Variants in RBFOX1 observed in about 807,000 individuals in gnomAD.
The protein encoded by RBFOX1 is RNA binding fox-1 homolog 1.
Under a neutral mutation model 57.7 loss-of-function variants are expected in RBFOX1, and 8 were observed. That is an observed-to-expected ratio of 0.14 (90% CI 0.08 to 0.25). The LOEUF (loss-of-function observed/expected upper bound fraction) is 0.25, where lower values mean the gene tolerates loss of function less well. RBFOX1 is among the 10% of genes least tolerant of loss of function. The pLI is 1.00. For missense variants in RBFOX1, 611 were observed against 548.5 expected (o/e 1.11, Z -1.14); for synonymous variants, 326 against 222.4 (o/e 1.47, Z -4.15).
At chr16:7,704,700 T>C (rs979342496) in intron 14 of RBFOX1, among the ~76,000 whole-genome samples, 3 of 152,062 alleles carry the variant, frequency 2.0e-5, no homozygotes, top group Non-Finnish European at 4.4e-5. Context: ...ATAAGATTAT[T>C]AGAGTTGCTA....
intron 1 of RBFOX1, among the ~76,000 whole-genome samples, chr16:5,373,190 G>A (rs1012283950): frequency 1.3e-5 from 2 of 152,134 alleles, no homozygotes; most frequent in African/African-American, 4.8e-5. Flanking sequence ...AGCATTCCTT[G>A]TGGGAGTTTG....
At chr16:7,244,054 G>C (rs563602658) in intron 4 of RBFOX1, among the ~76,000 whole-genome samples, 123 of 151,846 alleles carry the variant, frequency 8.1e-4, no homozygotes, top group African/African-American at 2.9e-3. Context: ...TTCACAGCAA[G>C]ATTAAAGATA....
intron 4 of RBFOX1, among the ~76,000 whole-genome samples, chr16:7,481,202 A>C (rs2063853130): frequency 6.6e-6 from 1 of 152,208 alleles, no homozygotes; most frequent in African/African-American, 2.4e-5. Flanking sequence ...AATGGAACAG[A>C]GTAAGGACTC....
At chr16:5,416,255 G>C (rs1488150464) in intron 1 of RBFOX1, among the ~76,000 whole-genome samples, 1 of 152,246 alleles carries the variant, frequency 6.6e-6, no homozygotes, top group Non-Finnish European at 1.5e-5. Context: ...ATTTGTCTAC[G>C]GTCACACATT....
At chr16:7,387,503 C>T (rs916063084) in intron 4 of RBFOX1, among the ~76,000 whole-genome samples, 1 of 152,150 alleles carries the variant, frequency 6.6e-6, no homozygotes, top group South Asian at 2.1e-4. Flanking sequence ...CCCTGGGTCT[C>T]GTTTCTTATC....
At chr16:7,272,636 C>G (rs1293577524) in intron 4 of RBFOX1, among the ~76,000 whole-genome samples, 3 of 151,230 alleles carry the variant, frequency 2.0e-5, no homozygotes, top group African/African-American at 7.4e-5. Context: ...TCTTCTCCAT[C>G]AATCTGTGAA....
intron 4 of RBFOX1, among the ~76,000 whole-genome samples, chr16:7,517,833 A>G (rs1325189649): frequency 2.6e-5 from 4 of 151,950 alleles, no homozygotes; most frequent in Non-Finnish European, 4.4e-5. Flanking sequence ...CAAAAAAAAA[A>G]AAAAATCAAT....
At chr16:6,972,452 T>C (rs1371102666) in intron 3 of RBFOX1, among the ~76,000 whole-genome samples, 1 of 152,216 alleles carries the variant, frequency 6.6e-6, no homozygotes, top group African/African-American at 2.4e-5. Context: ...TATTCCCTTA[T>C]GTGGAATGGA....
intron 2 of RBFOX1, among the ~76,000 whole-genome samples, chr16:5,529,867 C>T (rs982985245): frequency 1.3e-5 from 2 of 152,142 alleles, no homozygotes. Context: ...CGTGCCTGTC[C>T]TCAGTGTCCT....
intron 4 of RBFOX1, among the ~76,000 whole-genome samples, chr16:7,208,783 G>T (rs2090509679): frequency 6.6e-6 from 1 of 152,172 alleles, no homozygotes; most frequent in Admixed American, 6.5e-5. Context: ...GCTACAGTGA[G>T]CTGTGATTGC....
intron 4 of RBFOX1, among the ~76,000 whole-genome samples, chr16:7,237,281 C>G (rs1020922201): frequency 2.6e-5 from 4 of 152,166 alleles, no homozygotes; most frequent in African/African-American, 9.7e-5. Flanking sequence ...TGAGCTCTTC[C>G]GTCCTCTCTC....
intron 4 of RBFOX1, among the ~76,000 whole-genome samples, chr16:6,002,009 C>T (rs1192241820): frequency 6.9e-6 from 1 of 145,482 alleles, no homozygotes; most frequent in South Asian, 2.2e-4. Context: ...CTCTGTCACT[C>T]AGGCTGGAGT....
rs146672172 is a variant in RBFOX1 at position 5,753,071 on chromosome 16, G to A, written c.319-114232G>A. ...GCTGCTTGGGAGGCTGAGGTGGGAG[G>A]ATTGCTTTAACCTAGGAGGTTGAGA... is the stretch of plus-strand genomic sequence containing the variant. On this transcript the variant is annotated intron_variant, in intron 3 of 19. Coordinates refer to the RBFOX1 transcript ENST00000641259. Among the ~76,000 whole-genome samples, 115 of 152,002 alleles carry A rather than the reference G, an allele frequency of 7.6e-4. 1 individual carries two copies. The highest frequency in any genetic ancestry group is 2.5e-3 in the African/African-American group (104 of 41,478).
At chr16:7,015,502 A>G (rs1195683073) in intron 3 of RBFOX1, among the ~76,000 whole-genome samples, 1 of 152,112 alleles carries the variant, frequency 6.6e-6, no homozygotes, top group African/African-American at 2.4e-5. Context: ...GGGAGAGGAA[A>G]AAGTGTTTTT....
At chr16:6,501,350 C>T (rs1419210826) in intron 2 of RBFOX1, among the ~76,000 whole-genome samples, 2 of 129,012 alleles carry the variant, frequency 1.6e-5, no homozygotes, top group Admixed American at 2.0e-4. Flanking sequence ...TCCATGTGTT[C>T]TCACTGTTCA....
intron 4 of RBFOX1, among the ~76,000 whole-genome samples, chr16:5,994,871 A>C (rs955369284): frequency 2.2e-4 from 33 of 152,168 alleles, no homozygotes; most frequent in African/African-American, 7.5e-4. Flanking sequence ...CATATCTACG[A>C]ATTGAGTGAT....
At chr16:6,715,222 A>T (rs960527623) in intron 3 of RBFOX1, among the ~76,000 whole-genome samples, 1 of 152,044 alleles carries the variant, frequency 6.6e-6, no homozygotes, top group Non-Finnish European at 1.5e-5. Flanking sequence ...ACACACACAG[A>T]ACAATGAATC....
intron 11 of RBFOX1, among the ~76,000 whole-genome samples, chr16:7,633,591 A>G (rs927460474): frequency 2.6e-5 from 4 of 152,198 alleles, no homozygotes; most frequent in African/African-American, 9.7e-5. Flanking sequence ...CCACCCCATT[A>G]AAAAGCAAAA....
At chr16:6,909,858 C>G (rs931782366) in intron 3 of RBFOX1, among the ~76,000 whole-genome samples, 2 of 152,112 alleles carry the variant, frequency 1.3e-5, no homozygotes, top group African/African-American at 4.8e-5. Context: ...TCGGACCACC[C>G]TCGTGTGACT....
Sources: allele counts gnomAD v4.1 joint callset (sites outside exome capture counted in the v4.1 genomes callset), GRCh38; gene constraint gnomAD v4.1.1; transcripts MANE v1.5; gene names NCBI Gene and HGNC (gene_info 2026-07-23, HGNC 2026-07-21).